The following ERMP1 variants were observed in gnomAD, a reference collection of about 807,000 sequenced individuals.
ERMP1 encodes the protein endoplasmic reticulum metallopeptidase 1.
A neutral mutation model predicts 92.0 loss-of-function variants in ERMP1; 86 were observed. The observed-to-expected ratio is 0.93, with a 90% CI of 0.79 to 1.12. The LOEUF (loss-of-function observed/expected upper bound fraction) is 1.12, where lower values mean the gene tolerates loss of function less well. Among genes scored for constraint, ERMP1 ranks in the 50% most tolerant of loss-of-function variants. The pLI, the probability that ERMP1 is intolerant of heterozygous loss-of-function variation, is 0.00. For missense variants in ERMP1, 1,342 were observed against 1,116.3 expected (o/e 1.20, Z -2.88); for synonymous variants, 530 against 412.8 (o/e 1.28, Z -3.44).
chr9:5,824,047 A>G (rs538350144), intron 3 of ERMP1, 46 bp from the exon 4 acceptor site: 1 of 1,489,644 alleles, frequency 6.7e-7, no homozygotes, highest in African/African-American at 1.4e-5. Flanking sequence ...ACAATCTTAA[A>G]TTATCAGTCT....
At chr9:5,836,201 G>T (rs1200512094), upstream of ERMP1, among the ~76,000 whole-genome samples, 1 of 152,210 alleles carries the variant, frequency 6.6e-6, no homozygotes, top group Non-Finnish European at 1.5e-5. Context: ...CAGGATTCAG[G>T]TGAACTGCCA....
At chr9:5,859,787 T>C (rs1369349922) in intron 5 of ERMP1, among the ~76,000 whole-genome samples, 1 of 152,212 alleles carries the variant, frequency 6.6e-6, no homozygotes, top group Non-Finnish European at 1.5e-5. Flanking sequence ...AGACGTACTA[T>C]AATTTACTGA....
intron 8 of ERMP1, among the ~76,000 whole-genome samples, chr9:5,806,439 T>C (rs1427506099): frequency 6.6e-6 from 1 of 151,766 alleles, no homozygotes; most frequent in Non-Finnish European, 1.5e-5. Flanking sequence ...TTTTTTTTTT[T>C]TTTTTTGAGA....
chr9:5,824,660 C>G (rs1188380987), intron 3 of ERMP1, among the ~76,000 whole-genome samples: 1 of 151,000 alleles, frequency 6.6e-6, no homozygotes, highest in Non-Finnish European at 1.5e-5. Flanking sequence ...CTCGGCCTCC[C>G]AAAGTGCTGG....
chr9:5,800,156 C>T (rs932075117), intron 11 of ERMP1, among the ~76,000 whole-genome samples: 2 of 152,000 alleles, frequency 1.3e-5, no homozygotes, highest in African/African-American at 4.8e-5. Flanking sequence ...GTATAAAATA[C>T]AAATAAGAAT....
intron 6 of ERMP1, chr9:5,856,103 G>A: frequency 2.7e-6 from 1 of 371,902 alleles, no homozygotes; most frequent in South Asian, 2.6e-5. Context: ...TGTTTCGAAT[G>A]GAATCTTCAA....
At chr9:5,806,606 A>C (rs1355685624) in intron 8 of ERMP1, among the ~76,000 whole-genome samples, 1 of 151,902 alleles carries the variant, frequency 6.6e-6, no homozygotes. Context: ...GTTTAAAAAA[A>C]ACATTTTTTT....
chr9:5,800,519 T>C (rs1358748086), intron 11 of ERMP1, among the ~76,000 whole-genome samples: 1 of 151,998 alleles, frequency 6.6e-6, no homozygotes, highest in Admixed American at 6.6e-5. Flanking sequence ...CCACTAAAAA[T>C]ACAAAAATTA....
intron 6 of ERMP1, among the ~76,000 whole-genome samples, chr9:5,858,787 A>G (rs1830418153): frequency 6.6e-6 from 1 of 152,202 alleles, no homozygotes; most frequent in Non-Finnish European, 1.5e-5. Context: ...CTCCCAGTTC[A>G]ACGTCAAGTA....
intron 2 of ERMP1, among the ~76,000 whole-genome samples, chr9:5,829,219 C>CAA (rs546458492): frequency 6.9e-4 from 39 of 56,348 alleles, no homozygotes; most frequent in Admixed American, 2.8e-3. Flanking sequence ...GCCCCCCAGC[C>CAA]AAAAAAAAAA....
At chr9:5,793,929 C>T (rs1750276676) in intron 13 of ERMP1, among the ~76,000 whole-genome samples, 1 of 151,982 alleles carries the variant, frequency 6.6e-6, no homozygotes, top group East Asian at 1.9e-4. Flanking sequence ...CATCATCAAT[C>T]GATTAGATCT....
intron 4 of ERMP1, among the ~76,000 whole-genome samples, chr9:5,820,129 T>C (rs1468198297): frequency 7.6e-4 from 115 of 152,068 alleles, no homozygotes; most frequent in Non-Finnish European, 1.3e-4. Context: ...TGAAACCCCG[T>C]CTCCACTAAA....
intron 13 of ERMP1, among the ~76,000 whole-genome samples, chr9:5,792,663 T>C (rs1434999802): frequency 2.0e-5 from 3 of 152,172 alleles, no homozygotes; most frequent in Non-Finnish European, 4.4e-5. Context: ...AAGATGGTCA[T>C]GTGACTTACC....
At chr9:5,829,843 A>G (rs1829872617) in intron 2 of ERMP1, among the ~76,000 whole-genome samples, 1 of 152,198 alleles carries the variant, frequency 6.6e-6, no homozygotes, top group South Asian at 2.1e-4. Flanking sequence ...TGCCATTGTA[A>G]ATGCTATTTT....
intron 5 of ERMP1, among the ~76,000 whole-genome samples, chr9:5,865,235 A>G (rs750791591): frequency 2.0e-5 from 3 of 152,220 alleles, no homozygotes; most frequent in Non-Finnish European, 4.4e-5. Flanking sequence ...GGCTGGGCGC[A>G]GTGGCTTACG....
intron 8 of ERMP1, among the ~76,000 whole-genome samples, chr9:5,809,688 A>AATAAC (rs1829016162): frequency 6.6e-6 from 1 of 152,170 alleles, no homozygotes; most frequent in East Asian, 1.9e-4. Context: ...CAGATATTCA[A>AATAAC]ATAACATAAA....
intron 4 of ERMP1, among the ~76,000 whole-genome samples, chr9:5,819,423 C>T (rs552488267): frequency 6.6e-6 from 1 of 152,294 alleles, no homozygotes; most frequent in South Asian, 2.1e-4. Flanking sequence ...AAACCACAAC[C>T]TTGCATAAAG....
chr9:5,838,198 T>C (rs1255691351), intron 6 of ERMP1, among the ~76,000 whole-genome samples: 1 of 152,176 alleles, frequency 6.6e-6, no homozygotes, highest in Non-Finnish European at 1.5e-5. Flanking sequence ...GACTACATAT[T>C]GAAAAGACCT....
chr9:5,796,030 G>A (rs1828410737), intron 13 of ERMP1, among the ~76,000 whole-genome samples: 1 of 152,000 alleles, frequency 6.6e-6, no homozygotes, highest in African/African-American at 2.4e-5. Context: ...GATTCTATAA[G>A]GAAAACTACA....
Sources: gnomAD v4.1 joint callset for allele counts (sites outside exome capture counted in the v4.1 genomes callset) on GRCh38, gnomAD v4.1.1 for gene constraint, MANE v1.5 for transcripts, NCBI Gene and HGNC (gene_info 2026-07-23, HGNC 2026-07-21) for gene names.